Variants in GRID1 observed in about 807,000 individuals in gnomAD.
GRID1 encodes the protein glutamate ionotropic receptor delta type subunit 1.
In GRID1, 28 loss-of-function variants were observed where a neutral mutation model predicts 98.0. The ratio of observed to expected loss-of-function variants is 0.29; its 90% confidence interval spans 0.21 to 0.39. GRID1 has a LOEUF of 0.39. Among genes scored for constraint, GRID1 ranks in the 10% least tolerant of loss-of-function variants. The pLI, the probability that GRID1 is intolerant of heterozygous loss-of-function variation, is 1.00. For missense variants in GRID1, 1,111 were observed against 1,340.5 expected (o/e 0.83, Z 2.67); for synonymous variants, 553 against 538.5 (o/e 1.03, Z -0.37).
intron 13 of GRID1, among the ~76,000 whole-genome samples, chr10:85,645,383 AAAG>A (rs770770110): frequency 3.3e-5 from 5 of 152,220 alleles, no homozygotes; most frequent in Admixed American, 6.5e-5. Context: ...GTCAGGGGTG[AAAG>A]AAGATCCTGC....
At chr10:85,647,140 G>A in intron 13 of GRID1, 62 bp downstream of exon 13, 1 of 1,359,198 alleles carries the variant, frequency 7.4e-7, no homozygotes, top group African/African-American at 1.4e-5. Context: ...TCTCCCACCT[G>A]GGGGCTGACC....
At chr10:86,042,211 C>T (rs563775802) in intron 4 of GRID1, among the ~76,000 whole-genome samples, 24 of 152,324 alleles carry the variant, frequency 1.6e-4, no homozygotes, top group Admixed American at 5.2e-4. Flanking sequence ...AGATGGCTTT[C>T]GCAATCCCCC....
intron 11 of GRID1, among the ~76,000 whole-genome samples, chr10:85,723,756 G>A (rs562776972): frequency 1.3e-5 from 2 of 152,248 alleles, no homozygotes; most frequent in African/African-American, 2.4e-5. Context: ...AAAGTGTTAG[G>A]AGAAGAGAGC....
intron 2 of GRID1, among the ~76,000 whole-genome samples, chr10:86,347,315 G>A (rs531738778): frequency 2.0e-5 from 3 of 152,184 alleles, no homozygotes; most frequent in Admixed American, 2.0e-4. Flanking sequence ...CTGCAGTCTC[G>A]GCATCCTTTC....
At chr10:85,989,494 C>A (rs1280943191) in intron 4 of GRID1, among the ~76,000 whole-genome samples, 1 of 152,178 alleles carries the variant, frequency 6.6e-6, no homozygotes, top group Non-Finnish European at 1.5e-5. Flanking sequence ...AAGCATCAGG[C>A]CAGTGAGCAG....
At chr10:85,672,962 C>T (rs924485596) in intron 12 of GRID1, among the ~76,000 whole-genome samples, 1 of 152,142 alleles carries the variant, frequency 6.6e-6, no homozygotes, top group Non-Finnish European at 1.5e-5. Context: ...AAATTGAAAC[C>T]TTCTGAAAAG....
intron 3 of GRID1, among the ~76,000 whole-genome samples, chr10:86,197,155 A>C (rs964319624): frequency 6.6e-6 from 1 of 151,658 alleles, no homozygotes; most frequent in African/African-American, 2.4e-5. Context: ...GCCAAGAGAA[A>C]ATAGAGTTCC....
chr10:85,827,095 C>A (rs1842826985), intron 8 of GRID1, among the ~76,000 whole-genome samples: 1 of 152,156 alleles, frequency 6.6e-6, no homozygotes, highest in Non-Finnish European at 1.5e-5. Context: ...AATGACTGCA[C>A]TGGTTCGCCA....
intron 8 of GRID1, among the ~76,000 whole-genome samples, chr10:85,748,895 T>C (rs1360772509): frequency 6.6e-6 from 1 of 152,122 alleles, no homozygotes; most frequent in Non-Finnish European, 1.5e-5. Context: ...ATCATCTCAG[T>C]TACAAACACC....
At chr10:85,880,910 G>C (rs1347555385) in intron 5 of GRID1, among the ~76,000 whole-genome samples, 1 of 152,144 alleles carries the variant, frequency 6.6e-6, no homozygotes, top group African/African-American at 2.4e-5. Flanking sequence ...AAGCTGATAA[G>C]CAACTTCAGC....
intron 12 of GRID1, among the ~76,000 whole-genome samples, chr10:85,716,331 T>A (rs933182730): frequency 6.6e-6 from 1 of 152,094 alleles, no homozygotes; most frequent in Non-Finnish European, 1.5e-5. Context: ...AAACACCGCA[T>A]GTTCTCACTC....
chr10:86,100,399 A>G (rs1423453247), intron 4 of GRID1, among the ~76,000 whole-genome samples: 1 of 152,092 alleles, frequency 6.6e-6, no homozygotes, highest in Non-Finnish European at 1.5e-5. Context: ...TAGGTGCTGG[A>G]GATATAGGAT....
chr10:85,712,107 A>G (rs1348639138), intron 12 of GRID1, among the ~76,000 whole-genome samples: 1 of 151,824 alleles, frequency 6.6e-6, no homozygotes, highest in African/African-American at 2.4e-5. Flanking sequence ...GAGGAACACA[A>G]ATGATGTAAG....
intron 3 of GRID1, among the ~76,000 whole-genome samples, chr10:86,201,405 A>G (rs1845948413): frequency 6.6e-6 from 1 of 152,190 alleles, no homozygotes; most frequent in South Asian, 2.1e-4. Context: ...GCAAGCCACT[A>G]TCCTGAGCCA....
intron 2 of GRID1, among the ~76,000 whole-genome samples, chr10:86,321,611 A>T (rs922119296): frequency 2.6e-4 from 39 of 152,216 alleles, no homozygotes; most frequent in African/African-American, 9.2e-4. Flanking sequence ...TGAAGCTGGC[A>T]GCTCCAATCT....
At chr10:85,661,599 G>A (rs1453408531) in intron 12 of GRID1, among the ~76,000 whole-genome samples, 2 of 152,072 alleles carry the variant, frequency 1.3e-5, no homozygotes, top group Non-Finnish European at 2.9e-5. Flanking sequence ...TCAGAAGCAG[G>A]GACCCAGGGA....
intron 11 of GRID1, 56 bp downstream of exon 11, chr10:85,724,296 G>A (rs1399370445): frequency 2.1e-6 from 3 of 1,395,684 alleles, no homozygotes; most frequent in Non-Finnish European, 3.0e-6. Context: ...TTTGCCAATG[G>A]ATAAGTTCTT....
chr10:85,857,956 A>T (rs1843129051), intron 6 of GRID1, among the ~76,000 whole-genome samples: 1 of 152,144 alleles, frequency 6.6e-6, no homozygotes, highest in African/African-American at 2.4e-5. Flanking sequence ...GGTGGCGCGA[A>T]CTCTCCAGCA....
chr10:85,972,700 T>C (rs1310965051), intron 4 of GRID1, among the ~76,000 whole-genome samples: 2 of 152,056 alleles, frequency 1.3e-5, no homozygotes, highest in African/African-American at 2.4e-5. Flanking sequence ...GTATGGAAGA[T>C]AGCACTACAA....
Sources: gnomAD v4.1 joint callset for allele counts (sites outside exome capture counted in the v4.1 genomes callset) on GRCh38, gnomAD v4.1.1 for gene constraint, MANE v1.5 for transcripts, NCBI Gene and HGNC (gene_info 2026-07-23, HGNC 2026-07-21) for gene names.